MYO10: variants seen among roughly 807,000 people sequenced by gnomAD.
MYO10 encodes myosin X.
Under a neutral mutation model 257.3 loss-of-function variants are expected in MYO10, and 133 were observed. The observed-to-expected ratio is 0.52, with a 90% CI of 0.45 to 0.60. The LOEUF (loss-of-function observed/expected upper bound fraction) is 0.60, where lower values mean the gene tolerates loss of function less well. Ranked by LOEUF, MYO10 falls within the 20% of genes least tolerant of loss-of-function variation. The pLI, the probability that MYO10 is intolerant of heterozygous loss-of-function variation, is 0.00. For synonymous variants in MYO10, 1,104 were observed against 1,028.6 expected, an observed-to-expected ratio of 1.07 and a Z score of -1.40; for missense variants, 2,399 against 2,635.7, an observed-to-expected ratio of 0.91 and a Z score of 1.97.
intron 1 of MYO10, among the ~76,000 whole-genome samples, chr5:16,903,151 T>C (rs1057475356): frequency 2.0e-5 from 3 of 152,222 alleles, no homozygotes; most frequent in Admixed American, 2.0e-4. Flanking sequence ...CTCACGCCTG[T>C]AATCCCAGCA....
At chr5:16,776,999 T>G (rs931903587) in intron 9 of MYO10, among the ~76,000 whole-genome samples, 1 of 152,150 alleles carries the variant, frequency 6.6e-6, no homozygotes, top group Non-Finnish European at 1.5e-5. Context: ...CTTTTTTTTT[T>G]GCCCTGCTCC....
intron 19 of MYO10, among the ~76,000 whole-genome samples, chr5:16,738,735 G>A (rs1739903032): frequency 6.6e-6 from 1 of 151,432 alleles, no homozygotes; most frequent in Non-Finnish European, 1.5e-5. Flanking sequence ...TACTAAAAAT[G>A]CAAAAATTAG....
intron 4 of MYO10, among the ~76,000 whole-genome samples, chr5:16,786,098 G>A (rs1741570231): frequency 2.4e-5 from 2 of 84,262 alleles, no homozygotes; most frequent in South Asian, 9.7e-4. Flanking sequence ...GAGTAGACTC[G>A]AGTCCCTCCC....
At chr5:16,846,134 C>T (rs1050778082) in intron 2 of MYO10, among the ~76,000 whole-genome samples, 1 of 152,178 alleles carries the variant, frequency 6.6e-6, no homozygotes, top group African/African-American at 2.4e-5. Flanking sequence ...CAAGTGCTCA[C>T]AGATCTTGGC....
chr5:16,792,026 C>A (rs250354), intron 4 of MYO10, among the ~76,000 whole-genome samples: 52,016 of 151,674 alleles, frequency 0.34, 10,533 homozygotes, highest in Non-Finnish European at 0.45. Context: ...TGGCCCAACA[C>A]ATTATTAGTC....
Position 16,840,307 on chromosome 5 carries a change from G to A in MYO10, c.121-22140C>T, listed in dbSNP as rs1300562025. ...CACACCTGTAATCCCAGCTACTTGC[G>A]AGGCTGAGGCAGGAGAATCGTTTGA... On this transcript the variant is annotated intron_variant, in intron 2 of 40. Transcript: ENST00000513610. 5.9e-5 allele frequency among the ~76,000 whole-genome samples: 9 copies of A among 152,102 alleles called. 1 individual carries two copies. Among genetic ancestry groups the A allele is most frequent in the Admixed American group, 3.3e-4 (5 of 15,264 alleles).
intron 1 of MYO10, among the ~76,000 whole-genome samples, chr5:16,928,352 G>A (rs1482513416): frequency 9.2e-5 from 14 of 152,096 alleles, no homozygotes; most frequent in African/African-American, 2.7e-4. Context: ...ATGTCACCAC[G>A]CCCAGCTAAT....
At chr5:16,905,363 T>C (rs565524836) in intron 1 of MYO10, among the ~76,000 whole-genome samples, 1 of 152,276 alleles carries the variant, frequency 6.6e-6, no homozygotes, top group South Asian at 2.1e-4. Context: ...CCTTACTGTG[T>C]CTGAGTGTGC....
At chr5:16,680,695 A>G (rs571604243) in intron 32 of MYO10, among the ~76,000 whole-genome samples, 5 of 152,338 alleles carry the variant, frequency 3.3e-5, no homozygotes, top group South Asian at 2.1e-4. Context: ...GAAACCCTCT[A>G]AGTTACCTGT....
intron 19 of MYO10, among the ~76,000 whole-genome samples, chr5:16,741,607 ATT>A (rs1740020358): frequency 6.6e-6 from 1 of 152,182 alleles, no homozygotes; most frequent in African/African-American, 2.4e-5. Flanking sequence ...TGTGTCCTTC[ATT>A]TTTACAAAAA....
At chr5:16,828,657 C>G (rs1743071808) in intron 2 of MYO10, among the ~76,000 whole-genome samples, 1 of 151,224 alleles carries the variant, frequency 6.6e-6, no homozygotes, top group Admixed American at 6.6e-5. Context: ...TCCCAGTGAC[C>G]CTTCAAAGGA....
At chr5:16,695,204 C>T (rs927930224) in intron 26 of MYO10, among the ~76,000 whole-genome samples, 2 of 152,018 alleles carry the variant, frequency 1.3e-5, no homozygotes, top group African/African-American at 2.4e-5. Context: ...TATGGTGGTG[C>T]GTGCCTGTAA....
Position 16,670,527 on chromosome 5 carries a change from T to C in MYO10, c.5882A>G (p.Glu1961Gly). 1 of 1,599,286 alleles carries C rather than the reference T, an allele frequency of 6.3e-7. No homozygotes were observed. ...PGYGSTLFDV[E>G]CKEGGFPQEL... ...CAACACACGGCAGCCAGTTCTCACCTCCACATCAAACAGCGTCGAGCCATA... is the reference window on the plus strand; with the variant it reads ...CAACACACGGCAGCCAGTTCTCACCCCCACATCAAACAGCGTCGAGCCATA... The change falls in exon 39 of 41, where the codon GAG (glutamate) becomes GGG (glycine). Residue 1961 changes from glutamate (E) to glycine (G), a missense_variant and splice_region_variant. By Grantham distance (98) the Glu-to-Gly change is moderately conservative (BLOSUM62 -2). Around this residue, in one of 3 missense-constraint regions of MYO10, gnomAD observed 1,820 missense variants for 1,939.4 expected, o/e 0.94. Coordinates refer to ENST00000513610, the MANE Select transcript of MYO10 (RefSeq NM_012334.3).
chr5:16,877,046 T>G (rs1744623611), intron 2 of MYO10, among the ~76,000 whole-genome samples: 1 of 151,950 alleles, frequency 6.6e-6, no homozygotes, highest in Admixed American at 6.6e-5. Context: ...AGAAGCTGGC[T>G]GGCTATGAAC....
At chr5:16,762,200 C>CA in intron 15 of MYO10, 87 bp from the exon 16 acceptor site, 1 of 1,370,996 alleles carries the variant, frequency 7.3e-7, no homozygotes, top group Non-Finnish European at 9.5e-7. Context: ...ACACTAAATA[C>CA]AAAAGACAGT....
At chr5:16,674,563 GT>G (rs5866200) in intron 35 of MYO10, among the ~76,000 whole-genome samples, 59,905 of 143,140 alleles carry the variant, frequency 0.42, 13,036 homozygotes, top group African/African-American at 0.58. Flanking sequence ...AAATATCCAA[GT>G]TTTTTTTTTT....
chr5:16,759,094 A>G (rs1740619962), intron 17 of MYO10, among the ~76,000 whole-genome samples: 1 of 151,950 alleles, frequency 6.6e-6, no homozygotes, highest in South Asian at 2.1e-4. Flanking sequence ...GCTAATTTTT[A>G]TATTTTGTAG....
Position 16,701,424 on chromosome 5 carries a change from C to T in MYO10, c.2971G>A (p.Glu991Lys), listed in dbSNP as rs1236705785. Residue 991 changes from glutamate to lysine, a missense_variant, in exon 25 of 41, where the codon GAG becomes AAG. By Grantham distance (56) the Glu-to-Lys change is moderately conservative. Around this residue, in one of 3 missense-constraint regions of MYO10, gnomAD observed 1,820 missense variants for 1,939.4 expected, o/e 0.94. Transcript: ENST00000513610. The surrounding 1 kb of genome is among the most constrained non-coding windows in gnomAD (Gnocchi z 8.1). ...GCTTCGAAGCCCTCATCGACCTCCT[C>T]CTCTGGGTAGGGCTGGCTGAAGTTG... ...NFNFSQPYPE[E>K]EVDEGFEADD... 1.2e-6 allele frequency: 2 copies of T among 1,614,048 alleles called. No homozygotes were observed. The highest frequency in any genetic ancestry group is 1.7e-6 in the Non-Finnish European group (2 of 1,179,904).
intron 3 of MYO10, among the ~76,000 whole-genome samples, chr5:16,809,334 C>T (rs757843828): frequency 1.3e-4 from 20 of 152,320 alleles, no homozygotes; most frequent in African/African-American, 1.9e-4. Flanking sequence ...GTGAGAGGCG[C>T]GCTGTGACTT....
Sources: gnomAD v4.1 joint callset for allele counts (sites outside exome capture counted in the v4.1 genomes callset) on GRCh38, gnomAD v4.1.1 for gene constraint, gnomAD v4.1.1 regional missense constraint, Gnocchi (gnomAD v3.1) non-coding constraint, MANE v1.5 for transcripts, NCBI Gene and HGNC (gene_info 2026-07-23, HGNC 2026-07-21) for gene names.